HBP1: variants seen among roughly 807,000 people sequenced by gnomAD.
The protein encoded by HBP1 is HMG box-containing protein 1.
HBP1 carries 20 observed loss-of-function variants against 62.6 expected under a neutral mutation model. That is an observed-to-expected ratio of 0.32 (90% CI 0.22 to 0.46). HBP1 has a LOEUF of 0.46. Among genes scored for constraint, HBP1 ranks in the 20% least tolerant of loss-of-function variants. The pLI is 1.00. For missense variants in HBP1, 480 were observed against 611.8 expected (o/e 0.78, Z 2.27); for synonymous variants, 232 against 206.2 (o/e 1.12, Z -1.07).
chr7:107,186,643 T>G lies in HBP1; in HGVS notation c.727T>G (p.Cys243Gly), dbSNP rs1423424010. The G allele has an allele frequency of 6.2e-7, 1 of 1,611,688 alleles. No homozygotes were observed. Among genetic ancestry groups the G allele is most frequent in the Non-Finnish European group, 8.5e-7 (1 of 1,178,270 alleles). ...DVEDFARAEG[C>G]DNEEDLQMGI... ...TGAAGATTTTGCTAGAGCTGAAGGCTGTGATAATGAGGAAGATCTTCAAAT... is the reference window on the plus strand; with the variant it reads ...TGAAGATTTTGCTAGAGCTGAAGGCGGTGATAATGAGGAAGATCTTCAAAT... Residue 243 changes from cysteine (C) to glycine (G), a missense_variant, in exon 6 of 11, where the codon TGT (cysteine) becomes GGT (glycine). By Grantham distance (159) the Cys-to-Gly change is radical. This residue lies in a region of HBP1 where 304 missense variants were observed against 330.9 expected (regional missense o/e 0.92). Coordinates refer to ENST00000222574, the MANE Select transcript of HBP1 (RefSeq NM_012257.4).
chr7:107,201,230 T>A, intron 10 of HBP1, 184 bp from the exon 11 acceptor site: 1 of 455,376 alleles, frequency 2.2e-6, no homozygotes, highest in Non-Finnish European at 4.0e-6. Flanking sequence ...CAATGTCTTA[T>A]CATTGCATAC....
intron 9 of HBP1, among the ~76,000 whole-genome samples, chr7:107,197,373 C>CT (rs998964595): frequency 8.6e-5 from 13 of 152,028 alleles, no homozygotes; most frequent in Non-Finnish European, 1.6e-4. Flanking sequence ...TTCTAAGAGT[C>CT]TTTTTTTGTT....
At chr7:107,171,050 T>C in intron 1 of HBP1, among the ~76,000 whole-genome samples, 1 of 58,666 alleles carries the variant, frequency 1.7e-5, no homozygotes, top group African/African-American at 2.1e-4. Flanking sequence ...TGTATAAATA[T>C]ATATATATAT....
In HBP1 at chr7:107,201,734, AAGAG is replaced by A. The variant is rs1798327196; in HGVS notation, c.*306_*309del. ...TCCTGTGGTGCTAAAGTACAGTAGAAAGAGAGGAGAAGTGTATACATGTTTTATT... is the reference window on the plus strand; with the variant it reads ...TCCTGTGGTGCTAAAGTACAGTAGAAAGGAGAAGTGTATACATGTTTTATT... On this transcript the variant is annotated 3_prime_UTR_variant, in exon 11 of 11. Transcript: ENST00000222574. 6.6e-6 allele frequency: 2 copies of A among 301,178 alleles called. No homozygotes were observed. The highest frequency in any genetic ancestry group is 2.2e-5 in the African/African-American group (1 of 46,370). 18.7% of individuals were successfully genotyped at this position (301,178 alleles called of 1,614,324 possible).
At chr7:107,192,331 CT>C (rs1381300085) in intron 8 of HBP1, among the ~76,000 whole-genome samples, 1 of 151,832 alleles carries the variant, frequency 6.6e-6, no homozygotes, top group Non-Finnish European at 1.5e-5. Flanking sequence ...TGTAAGTAGA[CT>C]TTTGAAAGGA....
intron 9 of HBP1, among the ~76,000 whole-genome samples, chr7:107,198,018 C>T (rs944969336): frequency 1.3e-5 from 2 of 152,118 alleles, no homozygotes; most frequent in East Asian, 1.9e-4. Context: ...ACAGGATTCA[C>T]GTCCCTGTAA....
chr7:107,192,703 T>TA (rs1386610097), intron 8 of HBP1: 1 of 152,174 alleles, frequency 6.6e-6, no homozygotes, highest in Non-Finnish European at 1.5e-5. Flanking sequence ...AGCAAATTCT[T>TA]ACCATTTGAT....
intron 8 of HBP1, among the ~76,000 whole-genome samples, chr7:107,194,004 C>T (rs540591601): frequency 4.6e-5 from 7 of 152,084 alleles, no homozygotes; most frequent in Non-Finnish European, 8.8e-5. Context: ...AATGGGCATT[C>T]TAAGCTTAAG....
intron 1 of HBP1, 31 bp downstream of exon 1, chr7:107,169,216 G>A (rs2115730150): frequency 2.2e-6 from 2 of 909,120 alleles, no homozygotes; most frequent in Non-Finnish European, 2.8e-6. Context: ...GGAAGAGGTG[G>A]GGGTGGGGAA....
intron 8 of HBP1, among the ~76,000 whole-genome samples, chr7:107,195,266 C>T (rs574004153): frequency 2.6e-5 from 4 of 152,326 alleles, no homozygotes; most frequent in African/African-American, 9.6e-5. Context: ...AGGTGATCCA[C>T]CCACCTCGGC....
At chr7:107,180,257 G>T (rs1333883163) in intron 2 of HBP1, among the ~76,000 whole-genome samples, 195 bp downstream of exon 2, 2 of 152,148 alleles carry the variant, frequency 1.3e-5, no homozygotes, top group Admixed American at 6.5e-5. Context: ...TATGGTTATT[G>T]TAGACACTCA....
chr7:107,170,573 C>A (rs1562881249), intron 1 of HBP1, among the ~76,000 whole-genome samples: 1 of 152,156 alleles, frequency 6.6e-6, no homozygotes, highest in East Asian at 1.9e-4. Context: ...GAATTAAATC[C>A]ACTCCCTAAA....
intron 3 of HBP1, among the ~76,000 whole-genome samples, chr7:107,185,464 G>A (rs535189580): frequency 6.6e-6 from 1 of 152,106 alleles, no homozygotes. Context: ...TGGATAGGAC[G>A]CCCTGCATTA....
At chr7:107,174,034 CCTTG>C (rs1796725094) in intron 1 of HBP1, among the ~76,000 whole-genome samples, 1 of 152,118 alleles carries the variant, frequency 6.6e-6, no homozygotes, top group Non-Finnish European at 1.5e-5. Context: ...GTATTGGAGA[CCTTG>C]CTTTCTTTCT....
At chr7:107,171,069 A>ATTTTTTTTTTTTT (rs1292839546) in intron 1 of HBP1, among the ~76,000 whole-genome samples, 8 of 72,380 alleles carry the variant, frequency 1.1e-4, no homozygotes, top group African/African-American at 8.5e-4. Context: ...ATATATATAT[A>ATTTTTTTTTTTTT]TATATTTTTT....
chr7:107,175,215 AATC>A (rs1796775906), intron 1 of HBP1, among the ~76,000 whole-genome samples: 1 of 152,098 alleles, frequency 6.6e-6, no homozygotes, highest in Non-Finnish European at 1.5e-5. Context: ...TAAAAAAAAA[AATC>A]ATCAGTGGTT....
intron 3 of HBP1, among the ~76,000 whole-genome samples, chr7:107,183,309 C>G (rs149735762): frequency 1.6e-3 from 242 of 152,266 alleles, no homozygotes; most frequent in African/African-American, 5.5e-3. Flanking sequence ...GAGTTTTATA[C>G]TAGGTAATGT....
At position 107,177,730 on chromosome 7, in the gene HBP1, A is replaced by T. The variant is rs866356859; in HGVS notation, c.-15-2149A>T. ...AAGGTATCAAACTATAATATGAAAT[A>T]TGAAGAAAAACATGATTGAGTATAT... On this transcript the variant is annotated intron_variant, in intron 1 of 10. Coordinates refer to ENST00000222574, the MANE Select transcript of HBP1 (RefSeq NM_012257.4). 3.3e-5 allele frequency among the ~76,000 whole-genome samples: 5 copies of T among 152,238 alleles called. No individual in the cohort carries two copies. The South Asian group carries it at 6.2e-4, about 19-fold the overall frequency.
intron 1 of HBP1, 197 bp from the exon 2 acceptor site, chr7:107,179,682 G>A (rs928223828): frequency 1.5e-5 from 5 of 327,284 alleles, no homozygotes; most frequent in African/African-American, 8.4e-5. Flanking sequence ...TGAGGCGGGA[G>A]AATCGCTTGA....
Sources: allele counts gnomAD v4.1 joint callset (sites outside exome capture counted in the v4.1 genomes callset), GRCh38; gene constraint gnomAD v4.1.1; regional missense constraint gnomAD v4.1.1; transcripts MANE v1.5; gene names NCBI Gene and HGNC (gene_info 2026-07-23, HGNC 2026-07-21).